ADAM10: variants seen among roughly 807,000 people sequenced by gnomAD.
ADAM10 encodes ADAM metallopeptidase domain 10.
A neutral mutation model predicts 90.1 loss-of-function variants in ADAM10; 17 were observed. The observed-to-expected ratio is 0.19, with a 90% CI of 0.13 to 0.28. The LOEUF (loss-of-function observed/expected upper bound fraction) is 0.28. Ranked by LOEUF, ADAM10 falls within the 10% of genes least tolerant of loss-of-function variation. ADAM10 has a pLI of 1.00. For missense variants in ADAM10, 610 were observed against 914.3 expected, an observed-to-expected ratio of 0.67 and a Z score of 4.29; for synonymous variants, 310 against 298.6, an observed-to-expected ratio of 1.04 and a Z score of -0.40.
At chr15:58,636,263 C>T (rs989157289) in intron 8 of ADAM10, among the ~76,000 whole-genome samples, 3 of 145,500 alleles carry the variant, frequency 2.1e-5, no homozygotes, top group East Asian at 2.0e-4. Context: ...AGCAACAGAG[C>T]GAGACTTCGT....
intron 10 of ADAM10, among the ~76,000 whole-genome samples, chr15:58,626,656 CAACACAG>C (rs1204784743): frequency 2.0e-5 from 3 of 152,118 alleles, no homozygotes; most frequent in African/African-American, 7.2e-5. Context: ...ATACATGCTA[CAACACAG>C]ATAAACCTTG....
At position 58,646,208 on chromosome 15, in the gene ADAM10, T is replaced by C. The variant is rs1896544933; in HGVS notation, c.586-4A>G. 6.2e-7 allele frequency: 1 copy of C among 1,611,624 alleles called. No homozygotes were observed. Among genetic ancestry groups the C allele is most frequent in the Non-Finnish European group, 8.5e-7 (1 of 1,179,544 alleles). ...CAGCATGTTCTTCTTGAGGTATCTA[T>C]ACATCAAAAAGTCATTTCTGACAAT... On this transcript the variant is annotated splice_region_variant and splice_polypyrimidine_tract_variant and intron_variant, in intron 5 of 15. Coordinates refer to ENST00000260408, the MANE Select transcript of ADAM10 (RefSeq NM_001110.4).
chr15:58,651,120 T>G (rs2140705155), intron 5 of ADAM10, among the ~76,000 whole-genome samples: 1 of 152,262 alleles, frequency 6.6e-6, no homozygotes, highest in Admixed American at 6.5e-5. Flanking sequence ...TTTTTAAATT[T>G]TGTGAATACA....
chr15:58,689,944 A>ACCAC (rs1897728480), intron 2 of ADAM10, among the ~76,000 whole-genome samples: 1 of 75,236 alleles, frequency 1.3e-5, no homozygotes, highest in Non-Finnish European at 2.6e-5. Flanking sequence ...CCAAAGACAG[A>ACCAC]CCCCCCCCAA....
chr15:58,701,022 C>CAAAAAAAA (rs386383146), intron 2 of ADAM10, among the ~76,000 whole-genome samples: 1 of 70,912 alleles, frequency 1.4e-5, no homozygotes, highest in Admixed American at 1.5e-4. Context: ...AACAAAAAAA[C>CAAAAAAAA]AAAAAAAAAA....
In ADAM10 at chr15:58,588,821, T is replaced by C. The variant is rs887154916; in HGVS notation, c.*8726A>G. ...ACAAACACAAATCTAGAGTCTCCCA[T>C]TTTATTTCTAATTTGAGCTTTCTGA... On this transcript the variant is annotated 3_prime_UTR_variant, in exon 16 of 16. Coordinates refer to ENST00000260408, the MANE Select transcript of ADAM10 (RefSeq NM_001110.4). 1.3e-5 allele frequency: 2 copies of C among 152,168 alleles called. No homozygotes were observed. The highest frequency in any genetic ancestry group is 2.9e-5 in the Non-Finnish European group (2 of 68,020). 9.4% of individuals were successfully genotyped at this position (152,168 alleles called of 1,614,324 possible). A position where few individuals can be genotyped will look rare whatever the true frequency, so the allele number is the denominator to read the frequency against.
At position 58,592,951 on chromosome 15, in the gene ADAM10, C is replaced by A. The variant is rs1169961435; in HGVS notation, c.*4596G>T. ...CTTTAGAATTGTTTAAAATAATAAA[C>A]AATGTGGAACCTACATGTCCAAACA... On this transcript the variant is annotated 3_prime_UTR_variant, in exon 16 of 16. Transcript: ENST00000260408. 6.8e-6 allele frequency: 1 copy of A among 147,282 alleles called. No individual in the cohort carries two copies. Among genetic ancestry groups the A allele is most frequent in the Admixed American group, 6.8e-5 (1 of 14,754 alleles). The allele number at this position is 147,282 out of a possible 1,614,324, so 9.1% of individuals were successfully genotyped here.
chr15:58,680,480 AGTATAC>A (rs1897403850), intron 3 of ADAM10, among the ~76,000 whole-genome samples: 1 of 152,238 alleles, frequency 6.6e-6, no homozygotes, highest in South Asian at 2.1e-4. Context: ...TTTGAACAAA[AGTATAC>A]CAACAGTACT....
At chr15:58,730,296 A>G (rs1018863224) in intron 1 of ADAM10, among the ~76,000 whole-genome samples, 3 of 152,234 alleles carry the variant, frequency 2.0e-5, no homozygotes, top group Admixed American at 6.5e-5. Flanking sequence ...CAAATAACGT[A>G]GAAGAAGGGT....
chr15:58,723,098 A>G (rs1898912651), intron 1 of ADAM10, among the ~76,000 whole-genome samples: 1 of 152,018 alleles, frequency 6.6e-6, no homozygotes, highest in South Asian at 2.1e-4. Flanking sequence ...TCATAACCTA[A>G]TAATATAATC....
intron 3 of ADAM10, among the ~76,000 whole-genome samples, chr15:58,679,907 TCAAAA>T (rs1330001394): frequency 6.6e-6 from 1 of 152,064 alleles, no homozygotes; most frequent in East Asian, 1.9e-4. Flanking sequence ...AGACCTTGTC[TCAAAA>T]CAAAACAAAA....
At chr15:58,744,828 A>G (rs1000017646) in intron 1 of ADAM10, among the ~76,000 whole-genome samples, 1 of 152,146 alleles carries the variant, frequency 6.6e-6, no homozygotes, top group Non-Finnish European at 1.5e-5. Context: ...TGGGCAACCT[A>G]GTGAGACCTC....
chr15:58,593,075 G>A lies in ADAM10; in HGVS notation c.*4472C>T, dbSNP rs745316556. The A allele has an allele frequency of 2.8e-4, 42 of 147,542 alleles. 1 individual carries two copies. The highest frequency in any genetic ancestry group is 2.8e-3 in the Admixed American group (41 of 14,760). 9.1% of individuals were successfully genotyped at this position (147,542 alleles called of 1,614,324 possible). On this transcript the variant is annotated 3_prime_UTR_variant, in exon 16 of 16. Transcript: ENST00000260408. ...ATCAATGTACCATTAAATGAGAAAG[G>A]TGGGTTACAAAAGTGTGCATATTAT...
At chr15:58,656,368 T>C (rs1334822011) in intron 5 of ADAM10, among the ~76,000 whole-genome samples, 1 of 152,130 alleles carries the variant, frequency 6.6e-6, no homozygotes, top group Non-Finnish European at 1.5e-5. Flanking sequence ...TTTTGTTTTC[T>C]GGTTGTTTTG....
chr15:58,720,276 T>A (rs1045192302), intron 1 of ADAM10, among the ~76,000 whole-genome samples: 1 of 152,100 alleles, frequency 6.6e-6, no homozygotes. Flanking sequence ...CCAAGAGAGG[T>A]GAGAAGAATG....
chr15:58,659,480 T>C (rs954299904), intron 5 of ADAM10, among the ~76,000 whole-genome samples: 1 of 152,286 alleles, frequency 6.6e-6, no homozygotes, highest in South Asian at 2.1e-4. Flanking sequence ...CAGAGGGGTT[T>C]CATCCTTTAT....
intron 4 of ADAM10, among the ~76,000 whole-genome samples, chr15:58,674,607 T>C (rs1269731147): frequency 4.6e-5 from 7 of 152,344 alleles, no homozygotes; most frequent in African/African-American, 1.7e-4. Flanking sequence ...CTTCCTTTTG[T>C]CTCTCCCTGT....
At chr15:58,639,399 T>C (rs1386330461) in intron 8 of ADAM10, among the ~76,000 whole-genome samples, 1 of 152,186 alleles carries the variant, frequency 6.6e-6, no homozygotes, top group Non-Finnish European at 1.5e-5. Context: ...AATAAAATCA[T>C]ATGAGACCCT....
At chr15:58,742,116 T>C (rs1899634087) in intron 1 of ADAM10, among the ~76,000 whole-genome samples, 1 of 152,216 alleles carries the variant, frequency 6.6e-6, no homozygotes, top group Non-Finnish European at 1.5e-5. Context: ...TATTTTTTAC[T>C]TTTCTTCTCA....
Sources: allele counts gnomAD v4.1 joint callset (sites outside exome capture counted in the v4.1 genomes callset), GRCh38; gene constraint gnomAD v4.1.1; transcripts MANE v1.5; gene names NCBI Gene and HGNC (gene_info 2026-07-23, HGNC 2026-07-21).